Variants in CTNNA2 observed in about 807,000 individuals in gnomAD.
CTNNA2 encodes catenin alpha 2, also known as catenin alpha-2.
Under a neutral mutation model 101.0 loss-of-function variants are expected in CTNNA2, and 42 were observed. That is an observed-to-expected ratio of 0.42 (90% CI 0.32 to 0.54). The LOEUF is 0.54. Among genes scored for constraint, CTNNA2 ranks in the 20% least tolerant of loss-of-function variants. The probability of loss-of-function intolerance (pLI) is 0.14; values close to 1 mark genes in which losing one functional copy is unlikely to be tolerated. For synonymous variants in CTNNA2, 450 were observed against 456.4 expected, an observed-to-expected ratio of 0.99 and a Z score of 0.18; for missense variants, 871 against 1,223.1, an observed-to-expected ratio of 0.71 and a Z score of 4.29.
At chr2:80,565,678 A>G (rs968518574) in intron 12 of CTNNA2, among the ~76,000 whole-genome samples, 2 of 152,068 alleles carry the variant, frequency 1.3e-5, no homozygotes, top group African/African-American at 2.4e-5. Context: ...TGGCTCTTTC[A>G]TGTGCTAGGC....
At position 80,367,867 on chromosome 2, in the gene CTNNA2, G is replaced by A. The variant is rs1675080571; in HGVS notation, c.1057-25344G>A. Among the ~76,000 whole-genome samples the A allele has an allele frequency of 4.6e-5, 7 of 152,148 alleles. No individual in the cohort carries two copies. The South Asian group carries it at 1.5e-3, about 32-fold the overall frequency. On this transcript the variant is annotated intron_variant, in intron 7 of 18. Transcript: ENST00000402739. The stretch of plus-strand genomic sequence containing the variant: ...CTGAGTAGGATATCAGAAATAGTAA[G>A]CATCTGCTCCATTGAGATTCGTAGC...
chr2:79,694,030 A>G (rs1471528406), intron 2 of CTNNA2, among the ~76,000 whole-genome samples: 3 of 151,968 alleles, frequency 2.0e-5, no homozygotes, highest in Non-Finnish European at 4.4e-5. Flanking sequence ...GTTTGCACAT[A>G]CTTATATGAA....
intron 2 of CTNNA2, among the ~76,000 whole-genome samples, chr2:79,654,514 A>G (rs1221666094): frequency 6.6e-6 from 1 of 152,094 alleles, no homozygotes; most frequent in African/African-American, 2.4e-5. Context: ...AAACTGTTAT[A>G]TTTCCTTCGA....
chr2:79,885,123 G>A (rs1478224755), intron 6 of CTNNA2, among the ~76,000 whole-genome samples: 2 of 152,108 alleles, frequency 1.3e-5, no homozygotes, highest in African/African-American at 4.8e-5. Context: ...TTAAGAGGTT[G>A]CAGGACCTTT....
rs7601455 is a variant in CTNNA2, at chr2:79,666,837, C to A, written c.102+15179C>A. ...CTCACTTTAGCTTAGGTCGGTTGAG[C>A]ATCTGAGCAGAGTACATCTCCAGTT... On this transcript the variant is annotated intron_variant, in intron 2 of 18. Transcript: ENST00000402739. 6.8e-3 allele frequency among the ~76,000 whole-genome samples: 1,037 copies of A among 152,284 alleles called. 16 individuals are homozygous for A. Among genetic ancestry groups the A allele is most frequent in the African/African-American group, 0.024 (997 of 41,556 alleles).
At chr2:79,530,804 G>A (rs1014118358) in intron 1 of CTNNA2, among the ~76,000 whole-genome samples, 1 of 152,084 alleles carries the variant, frequency 6.6e-6, no homozygotes, top group Non-Finnish European at 1.5e-5. Flanking sequence ...AGGGAAGTGA[G>A]AGGGAAGCAT....
At chr2:79,430,376 G>A (rs981065636) in intron 4 of CTNNA2, among the ~76,000 whole-genome samples, 15 of 152,076 alleles carry the variant, frequency 9.9e-5, no homozygotes, top group African/African-American at 3.1e-4. Context: ...ATTTTAGCTG[G>A]AGGAATCCCA....
chr2:80,596,520 G>A (rs1386598955), intron 15 of CTNNA2, among the ~76,000 whole-genome samples: 4 of 151,184 alleles, frequency 2.6e-5, no homozygotes, highest in Admixed American at 1.3e-4. Context: ...CACCGTGTTC[G>A]CCAGGATGGT....
intron 7 of CTNNA2, among the ~76,000 whole-genome samples, chr2:80,283,664 C>A (rs1674546821): frequency 6.6e-6 from 1 of 152,052 alleles, no homozygotes; most frequent in African/African-American, 2.4e-5. Flanking sequence ...TAGATGATAA[C>A]AGGTTGGATA....
At chr2:79,324,635 A>C (rs1255329747) in intron 3 of CTNNA2, among the ~76,000 whole-genome samples, 1 of 152,100 alleles carries the variant, frequency 6.6e-6, no homozygotes, top group Non-Finnish European at 1.5e-5. Context: ...CTTCCCAGGA[A>C]ACTGAGCATT....
intron 7 of CTNNA2, among the ~76,000 whole-genome samples, chr2:80,212,648 A>G (rs1287889061): frequency 1.3e-5 from 2 of 152,210 alleles, no homozygotes; most frequent in Non-Finnish European, 2.9e-5. Context: ...TTTTGCATCA[A>G]TGTTCATCAG....
intron 2 of CTNNA2, among the ~76,000 whole-genome samples, chr2:79,716,513 G>C (rs78743945): frequency 1.3e-5 from 2 of 152,082 alleles, no homozygotes; most frequent in African/African-American, 4.8e-5. Context: ...TGTTGTCCAT[G>C]TGTTCTCATC....
chr2:79,950,969 A>G (rs1191690498), intron 7 of CTNNA2, among the ~76,000 whole-genome samples: 1 of 152,192 alleles, frequency 6.6e-6, no homozygotes, highest in African/African-American at 2.4e-5. Flanking sequence ...GACTTATTTT[A>G]GGGAGATATT....
intron 2 of CTNNA2, among the ~76,000 whole-genome samples, chr2:79,280,300 A>C (rs1015358153): frequency 6.6e-6 from 1 of 152,042 alleles, no homozygotes; most frequent in Non-Finnish European, 1.5e-5. Context: ...TTATCTTTGC[A>C]GTGTGGAAGC....
At chr2:79,651,743 TA>T (rs1434111641) in intron 2 of CTNNA2, 85 bp downstream of exon 2, 4 of 1,084,180 alleles carry the variant, frequency 3.7e-6, no homozygotes, top group Non-Finnish European at 5.6e-6. Flanking sequence ...TAGACATCCT[TA>T]AAAGAGAATA....
chr2:79,752,805 C>T (rs1345990169), intron 3 of CTNNA2, among the ~76,000 whole-genome samples: 3 of 152,070 alleles, frequency 2.0e-5, no homozygotes, highest in Admixed American at 6.6e-5. Context: ...TGTTTGCCTG[C>T]TTGCTTATTG....
At chr2:80,603,784 A>G in intron 15 of CTNNA2, 1 of 326,036 alleles carries the variant, frequency 3.1e-6, no homozygotes, top group Non-Finnish European at 5.7e-6. Flanking sequence ...AAGCAACTAT[A>G]AAATTTTCAT....
At chr2:79,348,211 ATATTGTTC>A (rs1046086949) in intron 3 of CTNNA2, among the ~76,000 whole-genome samples, 3 of 152,182 alleles carry the variant, frequency 2.0e-5, no homozygotes, top group South Asian at 4.1e-4. Context: ...TAAAAGGACT[ATATTGTTC>A]TATTGGCATC....
intron 8 of CTNNA2, among the ~76,000 whole-genome samples, chr2:80,394,138 T>C (rs1434857974): frequency 6.6e-6 from 1 of 152,216 alleles, no homozygotes; most frequent in East Asian, 1.9e-4. Context: ...ACCACTGCCA[T>C]GGCAGCACCT....
Sources: gnomAD v4.1 joint callset for allele counts (sites outside exome capture counted in the v4.1 genomes callset) on GRCh38, gnomAD v4.1.1 for gene constraint, MANE v1.5 for transcripts, NCBI Gene and HGNC (gene_info 2026-07-23, HGNC 2026-07-21) for gene names.